The following DEPDC4 variants were observed in gnomAD, a reference collection of about 807,000 sequenced individuals.
DEPDC4 encodes DEP domain-containing protein 4.
A neutral mutation model predicts 52.0 loss-of-function variants in DEPDC4; 52 were observed. The observed-to-expected ratio is 1.00, with a 90% confidence interval of 0.80 to 1.26. DEPDC4 has a LOEUF of 1.26. DEPDC4 is among the 50% of genes most tolerant of loss of function. The pLI, the probability that DEPDC4 is intolerant of heterozygous loss-of-function variation, is 0.00. For missense variants in DEPDC4, 530 were observed against 546.9 expected (o/e 0.97, Z 0.31); for synonymous variants, 201 against 196.8 (o/e 1.02, Z -0.18).
chr12:100,241,652 T>G lies in DEPDC4; in HGVS notation c.*240A>C. 1 of 1,193,494 alleles carries G rather than the reference T, an allele frequency of 8.4e-7. No individual in the cohort carries two copies. The highest frequency in any genetic ancestry group is 1.1e-6 in the Non-Finnish European group (1 of 941,824). 73.9% of individuals were successfully genotyped at this position (1,193,494 alleles called of 1,614,324 possible). On this transcript the variant is annotated 3_prime_UTR_variant, in exon 10 of 10. Coordinates refer to ENST00000550587, the MANE Select transcript of DEPDC4 (RefSeq NM_001364818.2). ...AATTGTTTATATTTACAAATTGTAG[T>G]TTCTTGTATCAGAAATGTTAATTCA...
Position 100,267,046 on chromosome 12 carries a change from G to A in DEPDC4, c.31C>T (p.Leu11Phe), listed in dbSNP as rs147456773. The part of the protein sequence containing the change: MVPGEEPARE[L>F]MAVLLTPRFR... ...CTCGGAGTCAAAAGAACCGCCATAA[G>A]CTCGCGCGCTGGCTCCTCCCCTGGC... The change falls in exon 1 of 10, where the codon CTT (leucine) becomes TTT (phenylalanine). Residue 11 changes from leucine to phenylalanine, a missense_variant. Coordinates refer to ENST00000550587, the MANE Select transcript of DEPDC4 (RefSeq NM_001364818.2). The A allele has an allele frequency of 2.5e-6, 4 of 1,613,852 alleles. No individual in the cohort carries two copies. The highest frequency in any genetic ancestry group is 3.3e-5 in the Admixed American group (2 of 59,954).
At chr12:100,245,305 C>A (rs935861940) in intron 8 of DEPDC4, among the ~76,000 whole-genome samples, 1 of 151,870 alleles carries the variant, frequency 6.6e-6, no homozygotes, top group Admixed American at 6.6e-5. Flanking sequence ...CTCGCTCTGT[C>A]CCCCAGGCTG....
At chr12:100,270,166 T>C (rs1488014036), upstream of DEPDC4, among the ~76,000 whole-genome samples, 2 of 152,048 alleles carry the variant, frequency 1.3e-5, no homozygotes. Context: ...TTTTGTATTT[T>C]TAGTAGAGAC....
chr12:100,268,247 T>C (rs2096282019), upstream of DEPDC4, among the ~76,000 whole-genome samples: 1 of 152,192 alleles, frequency 6.6e-6, no homozygotes, highest in South Asian at 2.1e-4. Flanking sequence ...TTGGATACTA[T>C]GAGTGAGTTT....
chr12:100,263,015 T>C (rs992875763), intron 2 of DEPDC4, among the ~76,000 whole-genome samples: 10 of 152,224 alleles, frequency 6.6e-5, no homozygotes, highest in African/African-American at 2.4e-4. Flanking sequence ...TGGAGTACAG[T>C]GGCACAATCT....
chr12:100,269,262 T>C (rs1043211622), upstream of DEPDC4, among the ~76,000 whole-genome samples: 10 of 152,094 alleles, frequency 6.6e-5, no homozygotes, highest in Admixed American at 2.6e-4. Context: ...GTCTTTTCTG[T>C]TCTCCTGCTT....
the DEPDC4 span, among the ~76,000 whole-genome samples, chr12:100,274,762 T>C: frequency 2.0e-5 from 3 of 152,218 alleles, no homozygotes; most frequent in Admixed American, 6.5e-5. Context: ...CATAGACTTG[T>C]TCTCAGGCAA....
intron 8 of DEPDC4, among the ~76,000 whole-genome samples, chr12:100,247,768 G>A (rs545391464): frequency 5.3e-5 from 8 of 152,212 alleles, no homozygotes. Flanking sequence ...CATATACTCC[G>A]TATTCAAAGA....
intron 3 of DEPDC4, chr12:100,261,711 T>C (rs530105997): frequency 3.5e-5 from 16 of 456,702 alleles, no homozygotes; most frequent in Non-Finnish European, 6.2e-5. Flanking sequence ...TAAGTGTTAT[T>C]AGATGTATAT....
intron 3 of DEPDC4, 62 bp downstream of exon 3, chr12:100,262,202 C>T (rs1592904193): frequency 6.6e-7 from 1 of 1,523,378 alleles, no homozygotes; most frequent in Non-Finnish European, 8.9e-7. Context: ...CTTATAAGAA[C>T]CTGTTAAAAA....
chr12:100,244,337 G>A (rs926712537), intron 8 of DEPDC4, among the ~76,000 whole-genome samples: 3 of 150,296 alleles, frequency 2.0e-5, no homozygotes, highest in African/African-American at 7.3e-5. Flanking sequence ...CCCGCCACCA[G>A]GCCAGGCTAA....
At chr12:100,278,533 C>T in the DEPDC4 span, among the ~76,000 whole-genome samples, 1 of 152,078 alleles carries the variant, frequency 6.6e-6, no homozygotes, top group South Asian at 2.1e-4. Context: ...TTTTCCCCAA[C>T]CTGTAGAATT....
the DEPDC4 span, among the ~76,000 whole-genome samples, chr12:100,281,019 G>GTTTTGTTTTTTTTTTT: frequency 6.9e-4 from 35 of 50,492 alleles, 2 homozygotes; most frequent in African/African-American, 2.3e-3. Context: ...TACCATCAGT[G>GTTTTGTTTTTTTTTTT]TTTTTTTTTT....
At chr12:100,258,001 ATAGATAG>A (rs1393226912) in intron 3 of DEPDC4, among the ~76,000 whole-genome samples, 7 of 151,760 alleles carry the variant, frequency 4.6e-5, no homozygotes, top group Non-Finnish European at 8.8e-5. Flanking sequence ...AGATAGATAG[ATAGATAG>A]ATAGATAGAT....
chr12:100,236,218 T>C (rs566057284), downstream of DEPDC4, among the ~76,000 whole-genome samples: 6 of 152,312 alleles, frequency 3.9e-5, no homozygotes, highest in Non-Finnish European at 4.4e-5. Context: ...AGTAGTGGGA[T>C]TGCTAAATCA....
upstream of DEPDC4, chr12:100,267,172 CTT>C (rs996105042): frequency 1.5e-6 from 2 of 1,344,920 alleles, no homozygotes; most frequent in African/African-American, 2.9e-5. Context: ...GCCGGCAGGT[CTT>C]TTAGTCTTTT....
chr12:100,247,433 T>TA (rs1390178880), intron 8 of DEPDC4, among the ~76,000 whole-genome samples: 1 of 152,078 alleles, frequency 6.6e-6, no homozygotes, highest in Non-Finnish European at 1.5e-5. Context: ...CTCGAAGTCA[T>TA]AACCTCAGGT....
intron 3 of DEPDC4, among the ~76,000 whole-genome samples, chr12:100,260,040 G>A (rs1347675621): frequency 6.6e-6 from 1 of 151,166 alleles, no homozygotes; most frequent in African/African-American, 2.4e-5. Context: ...GTAAAATCAT[G>A]GATAAATATA....
chr12:100,250,578 G>A (rs988220845), intron 7 of DEPDC4, among the ~76,000 whole-genome samples: 2 of 151,942 alleles, frequency 1.3e-5, no homozygotes, highest in Non-Finnish European at 2.9e-5. Flanking sequence ...GAGGTAGAAA[G>A]ATGAAAAAAA....
Sources: allele counts gnomAD v4.1 joint callset (sites outside exome capture counted in the v4.1 genomes callset), GRCh38; gene constraint gnomAD v4.1.1; transcripts MANE v1.5; gene names NCBI Gene and HGNC (gene_info 2026-07-23, HGNC 2026-07-21).